Variants in KIAA0408 observed in about 807,000 individuals in gnomAD.
KIAA0408 encodes KIAA0408.
In KIAA0408, 51 loss-of-function variants were observed where a neutral mutation model predicts 60.9. The ratio of observed to expected loss-of-function variants is 0.84; its 90% CI spans 0.67 to 1.06. The LOEUF (loss-of-function observed/expected upper bound fraction) is 1.06. KIAA0408 is among the 50% of genes least tolerant of loss of function. KIAA0408 has a pLI of 0.00. For missense variants in KIAA0408, 787 were observed against 833.9 expected (o/e 0.94, Z 0.69); for synonymous variants, 304 against 282.4 (o/e 1.08, Z -0.77).
At chr6:127,458,327 T>C (rs1055417297) in intron 1 of KIAA0408, among the ~76,000 whole-genome samples, 1 of 152,266 alleles carries the variant, frequency 6.6e-6, no homozygotes, top group South Asian at 2.1e-4. Flanking sequence ...GATTTGATTT[T>C]GTTAGAGTAA....
rs1773111014 is a variant in KIAA0408, at chr6:127,441,768, A to G, written c.*2341T>C. 6.6e-6 allele frequency: 1 copy of G among 152,226 alleles called. No individual in the cohort carries two copies. Among genetic ancestry groups the G allele is most frequent in the Non-Finnish European group, 1.5e-5 (1 of 68,034 alleles). 9.4% of individuals were successfully genotyped at this position (152,226 alleles called of 1,614,324 possible). ...TTTTTCCATTTAAAAGTTATAAAAT[A>G]TTTAAAAAGAGAAAACAGAACATTC... On this transcript the variant is annotated 3_prime_UTR_variant, in exon 6 of 6. Coordinates refer to ENST00000483725, the MANE Select transcript of KIAA0408 (RefSeq NM_014702.5).
intron 1 of KIAA0408, among the ~76,000 whole-genome samples, chr6:127,456,876 A>G (rs1192122328): frequency 6.6e-6 from 1 of 152,084 alleles, no homozygotes; most frequent in Non-Finnish European, 1.5e-5. Context: ...GGATCATAGC[A>G]AATGCCTGAA....
chr6:127,446,181 A>G (rs759549664), intron 5 of KIAA0408, among the ~76,000 whole-genome samples: 3 of 152,190 alleles, frequency 2.0e-5, no homozygotes, highest in Non-Finnish European at 4.4e-5. Flanking sequence ...TATTTATGTT[A>G]TCCCATTTCA....
At position 127,442,473 on chromosome 6, in the gene KIAA0408, A is replaced by G. The variant is rs778807024; in HGVS notation, c.*1636T>C. On this transcript the variant is annotated 3_prime_UTR_variant, in exon 6 of 6. Transcript: ENST00000483725. ...GTGGAAAAGGATCTTCCTGAAGGAA[A>G]TAAGAATTAAAAGAGTAGATGTATA... 14 of 152,256 alleles carry G rather than the reference A, an allele frequency of 9.2e-5. No individual in the cohort carries two copies. The highest frequency in any genetic ancestry group is 1.8e-4 in the Non-Finnish European group (12 of 68,044). 9.4% of individuals were successfully genotyped at this position (152,256 alleles called of 1,614,324 possible). A position where few individuals can be genotyped will look rare whatever the true frequency, so the allele number is the denominator to read the frequency against.
intron 2 of KIAA0408, among the ~76,000 whole-genome samples, chr6:127,452,093 C>T (rs2114800885): frequency 6.6e-6 from 1 of 152,236 alleles, no homozygotes. Context: ...AGTGGCTGAA[C>T]AGGGAACTAC....
chr6:127,447,460 C>G lies in KIAA0408; in HGVS notation c.859G>C (p.Glu287Gln). Reference protein sequence around the residue: ...FPSSDSEQAYERWKERLDHNS... With the variant: ...FPSSDSEQAYQRWKERLDHNS... ...TGGTCTAACCTTTCCTTCCATCTTT[C>G]ATAGGCTTGTTCAGAATCCGAGCTG... Residue 287 changes from glutamate to glutamine, a missense_variant, in exon 5 of 6, where the codon GAA becomes CAA. This residue lies in a region of KIAA0408 where 640 missense variants were observed against 681.3 expected (regional missense o/e 0.94). Transcript: ENST00000483725. The G allele has an allele frequency of 6.2e-7, 1 of 1,614,048 alleles. No individual in the cohort carries two copies. Among genetic ancestry groups the G allele is most frequent in the South Asian group, 1.1e-5 (1 of 91,052 alleles).
rs1255766949 is a variant in KIAA0408, at chr6:127,446,870, A to G, written c.1449T>C (p.Gly483=). The G allele has an allele frequency of 1.2e-6, 2 of 1,613,816 alleles. No homozygotes were observed. The highest frequency in any genetic ancestry group is 2.7e-5 in the African/African-American group (2 of 74,890). The change falls in exon 5 of 6, where the codon GGT becomes GGC. Residue 483 remains glycine, a synonymous_variant. Transcript: ENST00000483725. ...KPCDTSSTHT[G]SISQSNDVSG... ...ACACATCGTTACTTTGTGATATGCT[A>G]CCTGTGTGAGTAGATGAGGTATCAC... is the stretch of plus-strand genomic sequence containing the variant.
chr6:127,446,584 G>T lies in KIAA0408; in HGVS notation c.1735C>A (p.Gln579Lys). 6.2e-7 allele frequency: 1 copy of T among 1,614,130 alleles called. No homozygotes were observed. The highest frequency in any genetic ancestry group is 8.5e-7 in the Non-Finnish European group (1 of 1,180,032). Residue 579 changes from glutamine to lysine, a missense_variant, in exon 5 of 6, where the codon CAA (glutamine) becomes AAA (lysine). Physicochemically the swap from Gln to Lys is moderately conservative, Grantham distance 53. Coordinates refer to ENST00000483725, the MANE Select transcript of KIAA0408 (RefSeq NM_014702.5). ...TTATCCTGGAAGCACTTAGAATTTT[G>T]CAATGCAGACTCTGTTGCTGTCTCA... ...TYETATESALQNSKCFQDNWT... is the reference protein window; with the variant it reads ...TYETATESALKNSKCFQDNWT...
chr6:127,451,758 T>C (rs1469952019), intron 2 of KIAA0408, among the ~76,000 whole-genome samples: 1 of 152,188 alleles, frequency 6.6e-6, no homozygotes, highest in African/African-American at 2.4e-5. Context: ...ATTTTTGTTT[T>C]TGCATATTTT....
Position 127,447,138 on chromosome 6 carries a change from A to G in KIAA0408, c.1181T>C (p.Ile394Thr), listed in dbSNP as rs1773213640. The change falls in exon 5 of 6, where the codon ATC becomes ACC. Residue 394 changes from isoleucine (I) to threonine (T), a missense_variant. Coordinates refer to ENST00000483725, the MANE Select transcript of KIAA0408 (RefSeq NM_014702.5). ...ATGAGATTTAGCAGGGTGATCTGGG[A>G]TCACCATTTCATATTTTGGATTACT... ...TPSNPKYEMV[I>T]PDHPAKSHPD... The G allele has an allele frequency of 1.9e-6, 3 of 1,613,916 alleles. No homozygotes were observed. The highest frequency in any genetic ancestry group is 1.7e-5 in the Admixed American group (1 of 60,006).
chr6:127,450,954 A>C (rs1773292625), intron 2 of KIAA0408: 1 of 156,024 alleles, frequency 6.4e-6, no homozygotes, highest in South Asian at 1.9e-4. Context: ...TTTCTCATCC[A>C]GATTAAAACA....
Position 127,450,253 on chromosome 6 carries a change from C to G in KIAA0408, c.235G>C (p.Glu79Gln), listed in dbSNP as rs146704528. 6.2e-5 allele frequency: 100 copies of G among 1,613,740 alleles called. 1 individual carries two copies. The African/African-American group carries it at 1.0e-3, about 17-fold the overall frequency. ...AAATCGGGGTAATTTGGGGAAGATTCTATCACTTTCTCTGGAATGGTCTTC... is the reference window on the plus strand; with the variant it reads ...AAATCGGGGTAATTTGGGGAAGATTGTATCACTTTCTCTGGAATGGTCTTC... ...HEKTIPEKVI[E>Q]SSPNYPDLGQ... The change falls in exon 3 of 6, where the codon GAA becomes CAA. Residue 79 changes from glutamate (E) to glutamine (Q), a missense_variant. Physicochemically the swap from Glu to Gln is conservative, Grantham distance 29 (BLOSUM62 2). Around this residue, in one of 3 missense-constraint regions of KIAA0408, gnomAD observed 640 missense variants for 681.3 expected, o/e 0.94. Coordinates refer to ENST00000483725, the MANE Select transcript of KIAA0408 (RefSeq NM_014702.5).
rs1486157349 is a variant in KIAA0408, at chr6:127,447,148, C to A, written c.1171G>T (p.Glu391Ter). 1.9e-6 allele frequency: 3 copies of A among 1,613,830 alleles called. No individual in the cohort carries two copies. In the Admixed American group the frequency reaches 5.0e-5, roughly 27 times the overall value. Residue 391 changes from glutamate to a stop codon, truncating the protein, a stop_gained, in exon 5 of 6, where the codon GAA becomes TAA. Coordinates refer to ENST00000483725, the MANE Select transcript of KIAA0408 (RefSeq NM_014702.5). LOFTEE classifies it high-confidence loss of function. The part of the protein sequence containing the change: ...TCSTPSNPKY[E>*]MVIPDHPAKS... The stretch of plus-strand genomic sequence containing the variant: ...GCAGGGTGATCTGGGATCACCATTT[C>A]ATATTTTGGATTACTGGGGGTAGAG...
At chr6:127,450,806 T>C (rs1773290157) in intron 2 of KIAA0408, 1 of 159,136 alleles carries the variant, frequency 6.3e-6, no homozygotes, top group African/African-American at 2.4e-5. Context: ...TCTCAGATAG[T>C]AAGTCAACTT....
chr6:127,452,755 T>C (rs1302109792), intron 2 of KIAA0408, among the ~76,000 whole-genome samples: 1 of 152,100 alleles, frequency 6.6e-6, no homozygotes, highest in Non-Finnish European at 1.5e-5. Context: ...GGATTCTGAT[T>C]TGACCAGGGA....
chr6:127,443,964 T>G lies in KIAA0408; in HGVS notation c.*145A>C, dbSNP rs41285268. ...CAAAATGCAGGAAGATAATTATTCCTTAGATTAAAAACACTGAAGACTGAT... is the reference window on the plus strand; with the variant it reads ...CAAAATGCAGGAAGATAATTATTCCGTAGATTAAAAACACTGAAGACTGAT... On this transcript the variant is annotated 3_prime_UTR_variant, in exon 6 of 6. Coordinates refer to ENST00000483725, the MANE Select transcript of KIAA0408 (RefSeq NM_014702.5). The G allele has an allele frequency of 2.3e-3, 1,536 of 682,014 alleles. 6 individuals are homozygous for G. Among genetic ancestry groups the G allele is most frequent in the Non-Finnish European group, 3.4e-3 (1,411 of 418,348 alleles). The allele number at this position is 682,014 out of a possible 1,614,324, so 42.2% of individuals were successfully genotyped here.
At chr6:127,444,365 T>C in intron 5 of KIAA0408, 83 bp from the exon 6 acceptor site, 1 of 1,007,636 alleles carries the variant, frequency 9.9e-7, no homozygotes, top group Non-Finnish European at 1.4e-6. Context: ...ACTATAAGAT[T>C]AGTCCGTTAG....
intron 5 of KIAA0408, among the ~76,000 whole-genome samples, chr6:127,445,255 C>T (rs935972484): frequency 6.6e-6 from 1 of 152,094 alleles, no homozygotes; most frequent in African/African-American, 2.4e-5. Context: ...TGCCAAACTC[C>T]CAATGAATGC....
rs377321818 is a variant in KIAA0408 at position 127,444,192 on chromosome 6, T to C, written c.2002A>G (p.Arg668Gly). The change falls in exon 6 of 6, where the codon AGA (arginine) becomes GGA (glycine). Residue 668 changes from arginine (R) to glycine (G), a missense_variant. By Grantham distance (125) the Arg-to-Gly change is moderately radical (BLOSUM62 -2). Transcript: ENST00000483725. Reference protein sequence around the residue: ...NRRLPSRWASRSPSAPPALRR... With the variant: ...NRRLPSRWASGSPSAPPALRR... ...AAGGCAGGGGGTGCAGATGGAGATC[T>C]GGATGCCCATCTGGAGGGGAGACGA... 3.1e-6 allele frequency: 5 copies of C among 1,613,784 alleles called. No individual in the cohort carries two copies. The highest frequency in any genetic ancestry group is 1.1e-5 in the South Asian group (1 of 91,050).
Sources: allele counts gnomAD v4.1 joint callset (sites outside exome capture counted in the v4.1 genomes callset), GRCh38; gene constraint gnomAD v4.1.1; regional missense constraint gnomAD v4.1.1; transcripts MANE v1.5; gene names NCBI Gene and HGNC (gene_info 2026-07-23, HGNC 2026-07-21).